SYNJ2BP: variants seen among roughly 807,000 people sequenced by gnomAD.
The protein encoded by SYNJ2BP is synaptojanin 2 binding protein, also known as synaptojanin-2-binding protein.
A neutral mutation model predicts 16.9 loss-of-function variants in SYNJ2BP; 10 were observed. The observed-to-expected ratio is 0.59, with a 90% CI of 0.36 to 1.00. The LOEUF (loss-of-function observed/expected upper bound fraction) is 1.00, where lower values mean the gene tolerates loss of function less well. Among genes scored for constraint, SYNJ2BP ranks in the 50% least tolerant of loss-of-function variants. The probability of loss-of-function intolerance (pLI) is 0.01; values close to 1 mark genes in which losing one functional copy is unlikely to be tolerated. For missense variants in SYNJ2BP, 162 were observed against 186.7 expected (o/e 0.87, Z 0.77); for synonymous variants, 54 against 68.4 (o/e 0.79, Z 1.04).
At chr14:70,412,547 A>ACAGTATATATGTATGTATAGTATATAT (rs2140877321) in intron 1 of SYNJ2BP, among the ~76,000 whole-genome samples, 1 of 148,436 alleles carries the variant, frequency 6.7e-6, no homozygotes, top group East Asian at 1.9e-4. Flanking sequence ...TAGTATATAT[A>ACAGTATATATGTATGTATAGTATATAT]CAGTATATAT....
At chr14:70,412,339 G>A (rs1888491022) in intron 1 of SYNJ2BP, among the ~76,000 whole-genome samples, 1 of 151,910 alleles carries the variant, frequency 6.6e-6, no homozygotes, top group African/African-American at 2.4e-5. Context: ...AAAATCCTTT[G>A]AAATTTACTG....
In SYNJ2BP at chr14:70,367,145, A is replaced by T. The variant is rs1566611542; in HGVS notation, c.*5846T>A. 2 of 152,230 alleles carry T rather than the reference A, an allele frequency of 1.3e-5. No individual in the cohort carries two copies. The highest frequency in any genetic ancestry group is 2.1e-4 in the South Asian group (1 of 4,830). The allele number at this position is 152,230 out of a possible 1,614,324, so 9.4% of individuals were successfully genotyped here. The stretch of plus-strand genomic sequence containing the variant: ...AAAATGAACAGTGAGGAAAACCTGG[A>T]AACAGGACCGAGTGTTTGCTATCAC... On this transcript the variant is annotated 3_prime_UTR_variant, in exon 4 of 4. Transcript: ENST00000256366.
chr14:70,378,208 C>G (rs1461575136), intron 2 of SYNJ2BP, among the ~76,000 whole-genome samples: 1 of 152,122 alleles, frequency 6.6e-6, no homozygotes, highest in African/African-American at 2.4e-5. Flanking sequence ...TTCTTTCTCT[C>G]CCACTGTGAG....
intron 1 of SYNJ2BP, among the ~76,000 whole-genome samples, chr14:70,392,660 G>A (rs932549309): frequency 1.3e-5 from 2 of 152,096 alleles, no homozygotes; most frequent in Admixed American, 1.3e-4. Flanking sequence ...AAAATGGGAA[G>A]ACAGATTTTA....
chr14:70,393,638 C>A (rs1888026197), intron 1 of SYNJ2BP, among the ~76,000 whole-genome samples: 1 of 152,178 alleles, frequency 6.6e-6, no homozygotes, highest in South Asian at 2.1e-4. Flanking sequence ...AGAATGAGTT[C>A]ATGTCCTTTG....
rs1887550739 is a variant in SYNJ2BP, at chr14:70,373,054, C to G, written c.375G>C (p.Val125=). 1 of 1,614,024 alleles carries G rather than the reference C, an allele frequency of 6.2e-7. No homozygotes were observed. The highest frequency in any genetic ancestry group is 1.3e-5 in the African/African-American group (1 of 74,920). Residue 125 remains valine, a synonymous_variant, in exon 4 of 4, where the codon GTG becomes GTC. Coordinates refer to ENST00000256366, the MANE Select transcript of SYNJ2BP (RefSeq NM_018373.3). ...CTACCATGGTGAGGGCAAACACTGG[C>G]ACCAGCACCATAAATATGGGAATAC... is the stretch of plus-strand genomic sequence containing the variant. ...PSGIPIFMVL[V]PVFALTMVAA...
At chr14:70,390,805 C>T (rs1351152638) in intron 1 of SYNJ2BP, among the ~76,000 whole-genome samples, 1 of 152,046 alleles carries the variant, frequency 6.6e-6, no homozygotes, top group Admixed American at 6.5e-5. Context: ...AAAAACATGA[C>T]CAAACAAAGA....
Position 70,388,588 on chromosome 14 carries a change from A to G in SYNJ2BP, c.83T>C (p.Val28Ala), listed in dbSNP as rs561701710. ...GACATACTGCTGATCTGTCCCACCG[A>G]CGATGTTGAAGCCCAGCCCTGAGAA... Reference protein sequence around the residue: ...RGPSGLGFNIVGGTDQQYVSN... With the variant: ...RGPSGLGFNIAGGTDQQYVSN... The change falls in exon 2 of 4, where the codon GTC (valine) becomes GCC (alanine). Residue 28 changes from valine (V) to alanine (A), a missense_variant. Physicochemically the swap from Val to Ala is moderately conservative, Grantham distance 64. Transcript: ENST00000256366. The G allele has an allele frequency of 1.9e-6, 3 of 1,541,750 alleles. No homozygotes were observed. Among genetic ancestry groups the G allele is most frequent in the East Asian group, 2.5e-5 (1 of 39,898 alleles).
At chr14:70,388,690 G>C in intron 1 of SYNJ2BP, 84 bp from the exon 2 acceptor site, 321 of 1,345,216 alleles carry the variant, frequency 2.4e-4, no homozygotes, top group Non-Finnish European at 2.8e-4. Context: ...GGGAGGGAAA[G>C]CCTACTGGGG....
chr14:70,395,581 C>T (rs1888071963), intron 1 of SYNJ2BP, among the ~76,000 whole-genome samples: 2 of 152,204 alleles, frequency 1.3e-5, no homozygotes, highest in South Asian at 2.1e-4. Context: ...ATCAATCAAA[C>T]TCCATTGGAT....
At chr14:70,380,158 G>A (rs925307860) in intron 2 of SYNJ2BP, among the ~76,000 whole-genome samples, 2 of 152,172 alleles carry the variant, frequency 1.3e-5, no homozygotes, top group Non-Finnish European at 2.9e-5. Context: ...TTATCTGTGA[G>A]CAAACAGAAT....
chr14:70,382,128 C>T (rs1311034688), intron 2 of SYNJ2BP, among the ~76,000 whole-genome samples: 1 of 152,060 alleles, frequency 6.6e-6, no homozygotes, highest in Non-Finnish European at 1.5e-5. Flanking sequence ...CCCAGCTACT[C>T]GGGAGGCTGA....
chr14:70,416,494 T>C (rs992099172), intron 1 of SYNJ2BP, among the ~76,000 whole-genome samples: 2 of 152,018 alleles, frequency 1.3e-5, no homozygotes, highest in Admixed American at 6.6e-5. Flanking sequence ...GGAAAACGGC[T>C]ATGCATTCAG....
chr14:70,388,349 T>C, intron 2 of SYNJ2BP, 121 bp downstream of exon 2: 1 of 1,329,308 alleles, frequency 7.5e-7, no homozygotes, highest in Non-Finnish European at 9.6e-7. Flanking sequence ...GTTGTTCCCA[T>C]TCAACTCTAC....
chr14:70,376,629 T>C (rs777624160), intron 2 of SYNJ2BP, among the ~76,000 whole-genome samples: 2 of 152,268 alleles, frequency 1.3e-5, no homozygotes, highest in Non-Finnish European at 1.5e-5. Flanking sequence ...TTTTGATAGG[T>C]TCTGTACTTT....
intron 1 of SYNJ2BP, among the ~76,000 whole-genome samples, chr14:70,412,656 T>C (rs1252144708): frequency 1.3e-5 from 2 of 149,748 alleles, no homozygotes; most frequent in Admixed American, 6.7e-5. Context: ...GGAAAGACAA[T>C]ACCTCCTTTA....
In SYNJ2BP at chr14:70,369,731, C is replaced by T. The variant is rs901031736; in HGVS notation, c.*3260G>A. The T allele has an allele frequency of 2.0e-5, 3 of 152,056 alleles. No homozygotes were observed. The highest frequency in any genetic ancestry group is 7.2e-5 in the African/African-American group (3 of 41,388). 9.4% of individuals were successfully genotyped at this position (152,056 alleles called of 1,614,324 possible). ...GCTAGATGGAACAATTAAGTTAAAT[C>T]GATAACACATAAGTTGAAACTTCAC... On this transcript the variant is annotated 3_prime_UTR_variant, in exon 4 of 4. Transcript: ENST00000256366.
chr14:70,390,011 G>A (rs1055393383), intron 1 of SYNJ2BP, among the ~76,000 whole-genome samples: 1 of 152,056 alleles, frequency 6.6e-6, no homozygotes, highest in African/African-American at 2.4e-5. Context: ...AATCTGTTCG[G>A]AGTAGATCTC....
At chr14:70,397,670 A>G (rs1888131234) in intron 1 of SYNJ2BP, among the ~76,000 whole-genome samples, 1 of 152,192 alleles carries the variant, frequency 6.6e-6, no homozygotes, top group South Asian at 2.1e-4. Flanking sequence ...CCAAGGAGAA[A>G]GTCACAGCCC....
Sources: gnomAD v4.1 joint callset for allele counts (sites outside exome capture counted in the v4.1 genomes callset) on GRCh38, gnomAD v4.1.1 for gene constraint, MANE v1.5 for transcripts, NCBI Gene and HGNC (gene_info 2026-07-23, HGNC 2026-07-21) for gene names.